PCDHA4: variants seen among roughly 807,000 people sequenced by gnomAD.
The protein encoded by PCDHA4 is protocadherin alpha-4.
In PCDHA4, 49 loss-of-function variants were observed where a neutral mutation model predicts 61.4. The observed-to-expected ratio is 0.80, with a 90% CI of 0.63 to 1.01. The LOEUF is 1.01. Among genes scored for constraint, PCDHA4 ranks in the 50% least tolerant of loss-of-function variants. PCDHA4 has a pLI of 0.00. For missense variants in PCDHA4, 1,254 were observed against 1,235.8 expected (o/e 1.01, Z -0.22); for synonymous variants, 590 against 550.3 (o/e 1.07, Z -1.01).
chr5:140,976,244 A>G (rs996854178), intron 1 of PCDHA4, among the ~76,000 whole-genome samples: 1 of 152,160 alleles, frequency 6.6e-6, no homozygotes, highest in Non-Finnish European at 1.5e-5. Context: ...CATTTCATGT[A>G]AATTTATTTA....
chr5:140,967,733 C>A (rs1473723959), intron 1 of PCDHA4: 1 of 1,614,024 alleles, frequency 6.2e-7, no homozygotes, highest in Non-Finnish European at 8.5e-7. Flanking sequence ...AATTGGGGGG[C>A]TGGATTATGA....
intron 1 of PCDHA4, chr5:140,966,707 A>G (rs539562297): frequency 7.2e-7 from 1 of 1,379,868 alleles, no homozygotes; most frequent in Admixed American, 3.5e-5. Context: ...GGCGTGGGGC[A>G]CGGCTGGGGA....
In PCDHA4 at chr5:140,920,855, A is replaced by C. The variant is rs537725798; in HGVS notation, c.2386-58094A>C. Among the ~76,000 whole-genome samples, 935 of 152,094 alleles carry C rather than the reference A, an allele frequency of 6.1e-3. 10 individuals are homozygous for C. Among genetic ancestry groups the C allele is most frequent in the Admixed American group, 0.012 (185 of 15,278 alleles). On this transcript the variant is annotated intron_variant, in intron 1 of 3. Coordinates refer to ENST00000530339, the MANE Select transcript of PCDHA4 (RefSeq NM_018907.4). ...AAGACCAAATCTAAAAAAAAAAAAAAAAACAAACAAACTGTGGCCCTTAGA... is the reference window on the plus strand; with the variant it reads ...AAGACCAAATCTAAAAAAAAAAAAACAAACAAACAAACTGTGGCCCTTAGA...
Position 140,847,412 on chromosome 5 carries a change from C to T in PCDHA4, c.2385+37840C>T, listed in dbSNP as rs1554141782. On this transcript the variant is annotated intron_variant, in intron 1 of 3. Coordinates refer to ENST00000530339, the MANE Select transcript of PCDHA4 (RefSeq NM_018907.4). ...ACATTAATGGCACAATAAACACTCA[C>T]GGTTTTGCCTTTAGACTTGAGATAC... 2 of 149,550 alleles carry T rather than the reference C, an allele frequency of 1.3e-5. 1 individual carries two copies. Among genetic ancestry groups the T allele is most frequent in the Non-Finnish European group, 3.0e-5 (2 of 66,894 alleles). 9.3% of individuals were successfully genotyped at this position (149,550 alleles called of 1,614,324 possible). A position where few individuals can be genotyped will look rare whatever the true frequency, so the allele number is the denominator to read the frequency against.
chr5:141,004,933 AAAAT>A (rs1336216932), intron 3 of PCDHA4, among the ~76,000 whole-genome samples: 1 of 152,198 alleles, frequency 6.6e-6, no homozygotes, highest in Non-Finnish European at 1.5e-5. Flanking sequence ...AAGAGAGAAG[AAAAT>A]TTCTTACCCT....
chr5:140,849,804 G>A, intron 1 of PCDHA4: 2 of 1,598,448 alleles, frequency 1.3e-6, no homozygotes, highest in South Asian at 1.1e-5. Flanking sequence ...TTCACTGTGG[G>A]CCACGGCCAG....
At chr5:140,993,198 A>C (rs1554253472) in intron 3 of PCDHA4, among the ~76,000 whole-genome samples, 1 of 151,946 alleles carries the variant, frequency 6.6e-6, no homozygotes, top group African/African-American at 2.4e-5. Context: ...AACTCACTAA[A>C]GCTAATTTTT....
chr5:141,010,470 G>A lies in PCDHA4; in HGVS notation c.*533G>A. ...ACAGCGGAAGTTATCAGTATGGAGG[G>A]GAAGTGTAAACTTAAAGGGACCAGA... On this transcript the variant is annotated 3_prime_UTR_variant, in exon 4 of 4. Transcript: ENST00000530339. The A allele has an allele frequency of 2.6e-6, 2 of 780,290 alleles. No homozygotes were observed. The highest frequency in any genetic ancestry group is 3.0e-5 in the East Asian group (1 of 33,872). 48.3% of individuals were successfully genotyped at this position (780,290 alleles called of 1,614,324 possible).
chr5:140,997,664 C>A (rs2097778003), intron 3 of PCDHA4, among the ~76,000 whole-genome samples: 1 of 142,906 alleles, frequency 7.0e-6, no homozygotes, highest in African/African-American at 2.5e-5. Context: ...TATTATTATA[C>A]AGCTTGTGTG....
intron 1 of PCDHA4, chr5:140,828,582 C>T: frequency 6.2e-7 from 1 of 1,614,224 alleles, no homozygotes; most frequent in South Asian, 1.1e-5. Context: ...GATGTTGGCT[C>T]AAATTCCATC....
Position 141,010,120 on chromosome 5 carries a change from C to T in PCDHA4, c.*183C>T, listed in dbSNP as rs1554262685. 6.2e-7 allele frequency: 1 copy of T among 1,607,404 alleles called. No homozygotes were observed. Among genetic ancestry groups the T allele is most frequent in the Admixed American group, 1.7e-5 (1 of 58,482 alleles). ...AACAGGTTTTGTCGTAAAAGCTTTACTAAGTCTGGTGTTAACTCTTTCTCT... is the reference window on the plus strand; with the variant it reads ...AACAGGTTTTGTCGTAAAAGCTTTATTAAGTCTGGTGTTAACTCTTTCTCT... On this transcript the variant is annotated 3_prime_UTR_variant, in exon 4 of 4. Coordinates refer to ENST00000530339, the MANE Select transcript of PCDHA4 (RefSeq NM_018907.4).
chr5:140,907,272 C>T (rs1164055585), intron 1 of PCDHA4, among the ~76,000 whole-genome samples: 1 of 152,224 alleles, frequency 6.6e-6, no homozygotes, highest in Non-Finnish European at 1.5e-5. Flanking sequence ...GCCATTCCAT[C>T]ATTCTATCAA....
chr5:140,858,834 A>T, intron 1 of PCDHA4: 1 of 322,932 alleles, frequency 3.1e-6, no homozygotes, highest in Non-Finnish European at 5.8e-6. Context: ...CATTACCAAA[A>T]AATTCCACTG....
chr5:140,995,086 T>C (rs1182368049), intron 3 of PCDHA4, among the ~76,000 whole-genome samples: 2 of 152,246 alleles, frequency 1.3e-5, no homozygotes, highest in African/African-American at 4.8e-5. Context: ...TCCAAACTTA[T>C]CTGTGGAGAT....
chr5:140,860,192 C>CATATATATATATAT (rs143984774), intron 1 of PCDHA4: 1 of 146,860 alleles, frequency 6.8e-6, no homozygotes, highest in African/African-American at 2.5e-5. Context: ...GCTCTCCTTA[C>CATATATATATATAT]ATATATATCT....
chr5:141,003,370 G>A (rs192935173), intron 3 of PCDHA4, among the ~76,000 whole-genome samples: 1 of 152,262 alleles, frequency 6.6e-6, no homozygotes, highest in East Asian at 1.9e-4. Context: ...GGAGTGCAGT[G>A]GTGCAATCTC....
In PCDHA4 at chr5:140,892,541, T is replaced by G. The variant is rs192378744; in HGVS notation, c.2385+82969T>G. Among the ~76,000 whole-genome samples, 3 of 152,250 alleles carry G rather than the reference T, an allele frequency of 2.0e-5. 1 individual carries two copies. The highest frequency in any genetic ancestry group is 7.2e-5 in the African/African-American group (3 of 41,464). ...CTGGTAGACTCAGGATTCTGACTTT[T>G]GTTTCTCTAGTCCTTGGAGACTGTC... On this transcript the variant is annotated intron_variant, in intron 1 of 3. Transcript: ENST00000530339.
intron 1 of PCDHA4, among the ~76,000 whole-genome samples, chr5:140,923,305 G>T (rs552769255): frequency 2.6e-5 from 4 of 152,186 alleles, no homozygotes; most frequent in Non-Finnish European, 5.9e-5. Context: ...GGGCGTGGGG[G>T]CGCTTGGCCT....
At chr5:140,956,924 G>A (rs2095321295) in intron 1 of PCDHA4, among the ~76,000 whole-genome samples, 2 of 151,898 alleles carry the variant, frequency 1.3e-5, no homozygotes, top group Non-Finnish European at 2.9e-5. Flanking sequence ...TAATCTTGCT[G>A]GATATAGGAT....
Sources: allele counts gnomAD v4.1 joint callset (sites outside exome capture counted in the v4.1 genomes callset), GRCh38; gene constraint gnomAD v4.1.1; transcripts MANE v1.5; gene names NCBI Gene and HGNC (gene_info 2026-07-23, HGNC 2026-07-21).